Variants in TMEM230 observed in about 807,000 individuals in gnomAD.
TMEM230 encodes the protein transmembrane protein 230.
TMEM230 carries 10 observed loss-of-function variants against 15.8 expected under a neutral mutation model. That is an observed-to-expected ratio of 0.63 (90% confidence interval 0.39 to 1.07). TMEM230 has a LOEUF of 1.07. TMEM230 is among the 50% of genes least tolerant of loss of function. The probability of loss-of-function intolerance (pLI) is 0.01; values close to 1 mark genes in which losing one functional copy is unlikely to be tolerated. For missense variants in TMEM230, 165 were observed against 193.3 expected, an observed-to-expected ratio of 0.85 and a Z score of 0.87; for synonymous variants, 67 against 76.9, an observed-to-expected ratio of 0.87 and a Z score of 0.68.
At chr20:5,084,977 T>G (rs2089294229) in intron 3 of TMEM230, among the ~76,000 whole-genome samples, 1 of 152,238 alleles carries the variant, frequency 6.6e-6, no homozygotes, top group African/African-American at 2.4e-5. Flanking sequence ...GAGTCAATTT[T>G]AGTAATTTAT....
chr20:5,073,725 G>A (rs553358207), intron 3 of TMEM230, among the ~76,000 whole-genome samples: 3 of 152,350 alleles, frequency 2.0e-5, no homozygotes, highest in East Asian at 3.9e-4. Flanking sequence ...TCCTTGAAGG[G>A]AATCAGATTA....
downstream of TMEM230, among the ~76,000 whole-genome samples, chr20:5,097,906 G>A (rs987696808): frequency 6.6e-6 from 1 of 151,170 alleles, no homozygotes; most frequent in African/African-American, 2.4e-5. Context: ...CACCGTACCA[G>A]GCCCAGGCTT....
intron 3 of TMEM230, among the ~76,000 whole-genome samples, chr20:5,073,416 T>C (rs566825981): frequency 6.6e-6 from 1 of 152,344 alleles, no homozygotes; most frequent in South Asian, 2.1e-4. Flanking sequence ...TGGCTCACAC[T>C]GAGGGAACTT....
Position 5,106,074 on chromosome 20 carries a change from GACAAACACAC to G in TMEM230, c.411+104_411+113del, listed in dbSNP as rs71197751. ...TCAAAAAAAACAGACCACTGGGACG[GACAAACACAC>G]ACACACACACACACACACACACACA... On this transcript the variant is annotated intron_variant, in intron 4 of 4. Transcript: ENST00000342308. 51,130 of 1,163,048 alleles carry G rather than the reference GACAAACACAC, an allele frequency of 0.044. 2,543 individuals carry two copies. The highest frequency in any genetic ancestry group is 0.27 in the African/African-American group (16,137 of 59,648). 72.0% of individuals were successfully genotyped at this position (1,163,048 alleles called of 1,614,324 possible). A position where few individuals can be genotyped will look rare whatever the true frequency, so the allele number is the denominator to read the frequency against.
At chr20:5,069,221 T>C (rs1416682981) in exon 4 of TMEM230, 8 of 1,535,706 alleles carry the variant, frequency 5.2e-6, no homozygotes, top group Non-Finnish European at 1.7e-6. Flanking sequence ...TTCCTCTTCC[T>C]TCTGGAAGCC....
chr20:5,107,207 T>C (rs79285965), intron 3 of TMEM230, among the ~76,000 whole-genome samples: 3,416 of 152,192 alleles, frequency 0.022, 64 homozygotes, highest in Middle Eastern at 0.041. Flanking sequence ...GACGCTAAGC[T>C]GGGAGGATGG....
At chr20:5,084,218 C>T (rs1046352079) in intron 3 of TMEM230, among the ~76,000 whole-genome samples, 3 of 150,398 alleles carry the variant, frequency 2.0e-5, no homozygotes, top group Non-Finnish European at 4.4e-5. Context: ...GCATAATATT[C>T]TATTTTAATT....
chr20:5,093,504 G>A (rs916966735), intron 3 of TMEM230, among the ~76,000 whole-genome samples: 4 of 151,888 alleles, frequency 2.6e-5, no homozygotes, highest in East Asian at 3.9e-4. Context: ...GCCTCCCAAC[G>A]TGCTGGGGTT....
chr20:5,108,257 TA>T, intron 3 of TMEM230, among the ~76,000 whole-genome samples: 1 of 151,552 alleles, frequency 6.6e-6, no homozygotes, highest in Non-Finnish European at 1.5e-5. Flanking sequence ...CTGTCTCTAC[TA>T]AAAATACAAA....
intron 3 of TMEM230, among the ~76,000 whole-genome samples, chr20:5,085,566 G>C (rs2089310791): frequency 6.6e-6 from 1 of 152,144 alleles, no homozygotes. Flanking sequence ...TGAGATTACA[G>C]TGAGCCACTG....
chr20:5,060,621 G>A, the TMEM230 span, among the ~76,000 whole-genome samples: 4 of 152,284 alleles, frequency 2.6e-5, no homozygotes, highest in East Asian at 7.7e-4. Flanking sequence ...ACAGGTGTGA[G>A]CCACTGTGCC....
exon 4 of TMEM230, chr20:5,069,137 T>G (rs757375187): frequency 7.5e-5 from 106 of 1,415,288 alleles, no homozygotes; most frequent in Non-Finnish European, 9.8e-5. Context: ...TCCTAGGACA[T>G]TTTCAGTTTA....
At chr20:5,087,165 T>C (rs2089366620) in intron 3 of TMEM230, among the ~76,000 whole-genome samples, 1 of 152,120 alleles carries the variant, frequency 6.6e-6, no homozygotes, top group Non-Finnish European at 1.5e-5. Flanking sequence ...TGAGCCGCCA[T>C]GGCCGGCCAA....
intron 3 of TMEM230, among the ~76,000 whole-genome samples, chr20:5,091,462 C>T (rs778764723): frequency 6.6e-5 from 10 of 152,080 alleles, no homozygotes; most frequent in Non-Finnish European, 8.8e-5. Flanking sequence ...CCACCCACCT[C>T]GGCCTCCAAA....
chr20:5,106,290 C>A lies in TMEM230; in HGVS notation c.309G>T (p.Lys103Asn). The A allele has an allele frequency of 1.2e-6, 2 of 1,608,284 alleles. No homozygotes were observed. Among genetic ancestry groups the A allele is most frequent in the Non-Finnish European group, 1.7e-6 (2 of 1,178,496 alleles). The change falls in exon 4 of 5, where the codon AAG becomes AAT. Residue 103 changes from lysine (K) to asparagine (N), a missense_variant. By Grantham distance (94) the Lys-to-Asn change is moderately conservative. Coordinates refer to ENST00000342308, the MANE Select transcript of TMEM230 (RefSeq NM_001009923.2). Reference sequence around the variant, plus strand: ...CAAGTGCGATGGCCTTATAAGGGATCTTAGGAGGGGTTTTCTTAAACTGGA... The same window carrying A: ...CAAGTGCGATGGCCTTATAAGGGATATTAGGAGGGGTTTTCTTAAACTGGA...
At chr20:5,093,190 CG>C (rs1436708246) in intron 3 of TMEM230, among the ~76,000 whole-genome samples, 30 of 152,202 alleles carry the variant, frequency 2.0e-4, no homozygotes, top group African/African-American at 6.7e-4. Flanking sequence ...TATACATTAA[CG>C]AAGAACTATT....
At chr20:5,082,180 C>T (rs1308066433) in intron 3 of TMEM230, among the ~76,000 whole-genome samples, 1 of 151,140 alleles carries the variant, frequency 6.6e-6, no homozygotes, top group African/African-American at 2.4e-5. Context: ...CAGCCATTCA[C>T]TGAAATTTTT....
chr20:5,067,960 G>C (rs565968209), downstream of TMEM230: 1 of 152,166 alleles, frequency 6.6e-6, no homozygotes, highest in South Asian at 2.1e-4. Flanking sequence ...AAGAGATGGA[G>C]TCTCACCGTT....
At chr20:5,071,637 A>G (rs1600267027) in intron 3 of TMEM230, among the ~76,000 whole-genome samples, 1 of 12,994 alleles carries the variant, frequency 7.7e-5, no homozygotes. Context: ...AAAAAAAAAA[A>G]ACAAAAAGGG....
Sources: gnomAD v4.1 joint callset for allele counts (sites outside exome capture counted in the v4.1 genomes callset) on GRCh38, gnomAD v4.1.1 for gene constraint, MANE v1.5 for transcripts, NCBI Gene and HGNC (gene_info 2026-07-23, HGNC 2026-07-21) for gene names.